The following TSPAN15 variants were observed in gnomAD, a reference collection of about 807,000 sequenced individuals.
TSPAN15 encodes the protein tetraspanin-15.
A neutral mutation model predicts 34.5 loss-of-function variants in TSPAN15; 20 were observed. That is an observed-to-expected ratio of 0.58 (90% CI 0.41 to 0.84). The LOEUF (loss-of-function observed/expected upper bound fraction) is 0.84, where lower values mean the gene tolerates loss of function less well. TSPAN15 is among the 40% of genes least tolerant of loss of function. The probability of loss-of-function intolerance (pLI) is 0.00; values close to 1 mark genes in which losing one functional copy is unlikely to be tolerated. For synonymous variants in TSPAN15, 155 were observed against 153.9 expected, an observed-to-expected ratio of 1.01 and a Z score of -0.05; for missense variants, 313 against 386.1, an observed-to-expected ratio of 0.81 and a Z score of 1.59.
intron 1 of TSPAN15, among the ~76,000 whole-genome samples, chr10:69,467,553 G>T (rs1037057180): frequency 1.3e-5 from 2 of 152,090 alleles, no homozygotes; most frequent in Non-Finnish European, 2.9e-5. Context: ...GGTTGAGGCT[G>T]CAGTGAGCTA....
At chr10:69,544,576 G>A in the TSPAN15 span, among the ~76,000 whole-genome samples, 359 of 152,330 alleles carry the variant, frequency 2.4e-3, no homozygotes, top group African/African-American at 7.9e-3. Context: ...TGGGTGTGGC[G>A]GCTTCACGGC....
the TSPAN15 span, among the ~76,000 whole-genome samples, chr10:69,539,563 G>GAGAAGGAGAAGAAGAAGAAGAAGA: frequency 1.0e-3 from 104 of 101,502 alleles, 24 homozygotes; most frequent in East Asian, 1.9e-3. Flanking sequence ...GAAGGAGAAG[G>GAGAAGGAGAAGAAGAAGAAGAAGA]AGAAGAAGAC....
At chr10:69,485,423 G>A (rs1259284265) in intron 3 of TSPAN15, among the ~76,000 whole-genome samples, 1 of 152,176 alleles carries the variant, frequency 6.6e-6, no homozygotes, top group African/African-American at 2.4e-5. Context: ...GGAGGAGATG[G>A]GAGGCCCGTG....
chr10:69,529,857 C>T, the TSPAN15 span, among the ~76,000 whole-genome samples: 14 of 146,274 alleles, frequency 9.6e-5, 2 homozygotes, highest in Admixed American at 1.4e-4. Context: ...ACCCTTCCCC[C>T]GCAAGTCCCC....
the TSPAN15 span, among the ~76,000 whole-genome samples, chr10:69,541,761 G>T: frequency 6.6e-6 from 1 of 152,214 alleles, no homozygotes. Context: ...AAAGCTTGGG[G>T]CTTGCATCTT....
intron 5 of TSPAN15, among the ~76,000 whole-genome samples, chr10:69,502,531 C>T (rs1001951898): frequency 3.3e-5 from 5 of 152,186 alleles, no homozygotes; most frequent in African/African-American, 1.2e-4. Context: ...GACTTCCTGT[C>T]CTGTGGCCCC....
At chr10:69,508,269 C>T (rs1233437984), downstream of TSPAN15, among the ~76,000 whole-genome samples, 1 of 151,064 alleles carries the variant, frequency 6.6e-6, no homozygotes, top group Non-Finnish European at 1.5e-5. Flanking sequence ...AGTGAAACCC[C>T]ATCTCTACTA....
At chr10:69,519,748 T>G in the TSPAN15 span, among the ~76,000 whole-genome samples, 9 of 152,152 alleles carry the variant, frequency 5.9e-5, no homozygotes, top group Non-Finnish European at 1.2e-4. Context: ...TAACCATTTT[T>G]TTTTTGAGAG....
At position 69,506,143 on chromosome 10, in the gene TSPAN15, T is replaced by C; in HGVS notation, c.638T>C (p.Val213Ala). 7 of 1,614,122 alleles carry C rather than the reference T, an allele frequency of 4.3e-6. No individual in the cohort carries two copies. Among genetic ancestry groups the C allele is most frequent in the Non-Finnish European group, 5.9e-6 (7 of 1,179,976 alleles). ...ATGCAGCGTTTCAGTGTGCAGGATG[T>C]CATCTACGTGCGGGGCTGCACCAAC... ...IDKERFSVQDVIYVRGCTNAV... is the reference protein window; with the variant it reads ...IDKERFSVQDAIYVRGCTNAV... The change falls in exon 7 of 8, where the codon GTC becomes GCC. Residue 213 changes from valine (V) to alanine (A), a missense_variant. Coordinates refer to ENST00000373290, the MANE Select transcript of TSPAN15 (RefSeq NM_012339.5). The surrounding 1 kb of genome is among the most constrained non-coding windows in gnomAD (Gnocchi z 4.7).
intron 5 of TSPAN15, among the ~76,000 whole-genome samples, chr10:69,503,792 C>A (rs1020338684): frequency 6.6e-6 from 1 of 152,186 alleles, no homozygotes; most frequent in East Asian, 1.9e-4. Context: ...ATGGGAAGTG[C>A]CCGCGGCAGC....
rs753995316 is a variant in TSPAN15, at chr10:69,506,918, C to T, written c.825C>T (p.Pro275=). ...EHSVTDGLLG[P]GAKPSVEAAG... ...CTGTCACTGATGGGCTCCTGGGGCC[C>T]GGTGCCAAGCCCAGCGTGGAGGCGG... The change falls in exon 8 of 8, where the codon CCC becomes CCT. Residue 275 remains proline, a synonymous_variant. Transcript: ENST00000373290. The surrounding 1 kb of genome is among the most constrained non-coding windows in gnomAD (Gnocchi z 4.7). 39 of 1,608,914 alleles carry T rather than the reference C, an allele frequency of 2.4e-5. No individual in the cohort carries two copies. Among genetic ancestry groups the T allele is most frequent in the South Asian group, 6.7e-5 (6 of 89,500 alleles).
At chr10:69,508,054 C>T (rs888331334), downstream of TSPAN15, among the ~76,000 whole-genome samples, 3 of 152,046 alleles carry the variant, frequency 2.0e-5, no homozygotes, top group Non-Finnish European at 2.9e-5. Context: ...CTGGAGATGC[C>T]GGGACTTGCG....
At chr10:69,515,127 G>T in the TSPAN15 span, among the ~76,000 whole-genome samples, 1 of 152,152 alleles carries the variant, frequency 6.6e-6, no homozygotes, top group Non-Finnish European at 1.5e-5. Flanking sequence ...TCCTTGAAAT[G>T]CCTTCTTGTT....
At chr10:69,539,081 T>C in the TSPAN15 span, among the ~76,000 whole-genome samples, 1 of 152,160 alleles carries the variant, frequency 6.6e-6, no homozygotes, top group Admixed American at 6.5e-5. Flanking sequence ...AAGGACAGTC[T>C]TTTGGAGACA....
chr10:69,456,715 A>G (rs1009454436), intron 1 of TSPAN15, among the ~76,000 whole-genome samples: 1 of 152,210 alleles, frequency 6.6e-6, no homozygotes, highest in African/African-American at 2.4e-5. Context: ...TGAGGGGCTG[A>G]AAGACAAACT....
downstream of TSPAN15, chr10:69,507,707 G>A: frequency 8.2e-7 from 1 of 1,215,338 alleles, no homozygotes; most frequent in East Asian, 5.8e-5. Context: ...TGGGGCGGGG[G>A]TAAGGAAGGC....
chr10:69,498,154 G>A, intron 4 of TSPAN15, 126 bp from the exon 5 acceptor site: 1 of 778,802 alleles, frequency 1.3e-6, no homozygotes. Context: ...AAAGTGTACA[G>A]CCTCTCCCTG....
At position 69,485,200 on chromosome 10, in the gene TSPAN15, GA is replaced by G. The variant is rs771075123; in HGVS notation, c.343del (p.Thr115ProfsTer10). Reference protein sequence around the residue: ...MELIGGVVALTFRNQTIDFLN... With the variant: ...MELIGGVVALXFRNQTIDFLN... ...AGCTCATTGGTGGCGTGGTGGCCTTGACCTTCCGGAACCAGGTGGGCCTGTG... is the reference window on the plus strand; with the variant it reads ...AGCTCATTGGTGGCGTGGTGGCCTTGCCTTCCGGAACCAGGTGGGCCTGTG... On this transcript the variant is annotated frameshift_variant, in exon 3 of 8. Transcript: ENST00000373290. LOFTEE classifies it high-confidence loss of function. The G allele has an allele frequency of 2.3e-5, 37 of 1,614,134 alleles. No homozygotes were observed. Among genetic ancestry groups the G allele is most frequent in the Non-Finnish European group, 3.1e-5 (36 of 1,180,012 alleles).
intron 1 of TSPAN15, among the ~76,000 whole-genome samples, chr10:69,468,929 G>A (rs1841446365): frequency 6.6e-6 from 1 of 151,716 alleles, no homozygotes; most frequent in African/African-American, 2.4e-5. Flanking sequence ...AATGCTTTTT[G>A]TTATTAATAA....
Sources: gnomAD v4.1 joint callset for allele counts (sites outside exome capture counted in the v4.1 genomes callset) on GRCh38, gnomAD v4.1.1 for gene constraint, Gnocchi (gnomAD v3.1) non-coding constraint, MANE v1.5 for transcripts, NCBI Gene and HGNC (gene_info 2026-07-23, HGNC 2026-07-21) for gene names.